The following BRINP3 variants were observed in gnomAD, a reference collection of about 807,000 sequenced individuals.
BRINP3 encodes BMP/retinoic acid-inducible neural-specific protein 3.
Under a neutral mutation model 71.0 loss-of-function variants are expected in BRINP3, and 19 were observed. The observed-to-expected ratio is 0.27, with a 90% confidence interval of 0.19 to 0.39. The LOEUF is 0.39. Ranked by LOEUF, BRINP3 falls within the 10% of genes least tolerant of loss-of-function variation. The probability of loss-of-function intolerance (pLI) is 1.00; values close to 1 mark genes in which losing one functional copy is unlikely to be tolerated. For synonymous variants in BRINP3, 380 were observed against 337.7 expected, an observed-to-expected ratio of 1.13 and a Z score of -1.37; for missense variants, 959 against 940.8, an observed-to-expected ratio of 1.02 and a Z score of -0.25.
At chr1:190,300,036 G>A (rs933076266) in intron 2 of BRINP3, among the ~76,000 whole-genome samples, 2 of 151,850 alleles carry the variant, frequency 1.3e-5, no homozygotes, top group African/African-American at 4.8e-5. Flanking sequence ...TCTTGTTGTT[G>A]CCCTTCTCGA....
At chr1:190,451,078 T>C (rs1371406171) in intron 2 of BRINP3, among the ~76,000 whole-genome samples, 1 of 152,168 alleles carries the variant, frequency 6.6e-6, no homozygotes, top group Non-Finnish European at 1.5e-5. Flanking sequence ...GTTGTGATAA[T>C]ATGACATGTC....
intron 7 of BRINP3, among the ~76,000 whole-genome samples, chr1:190,105,697 A>G (rs1265142622): frequency 6.6e-6 from 1 of 152,052 alleles, no homozygotes. Flanking sequence ...CAAATAATTT[A>G]TTATTTAATC....
intron 7 of BRINP3, among the ~76,000 whole-genome samples, chr1:190,137,062 T>C (rs1289142424): frequency 1.3e-5 from 2 of 152,048 alleles, no homozygotes; most frequent in Non-Finnish European, 2.9e-5. Flanking sequence ...TAAGGTATAG[T>C]GTAGCTATGT....
intron 2 of BRINP3, among the ~76,000 whole-genome samples, chr1:190,451,736 A>T (rs1234705565): frequency 6.6e-6 from 1 of 152,188 alleles, no homozygotes; most frequent in African/African-American, 2.4e-5. Context: ...ATTAGTTGAC[A>T]AAAACACACT....
intron 4 of BRINP3, among the ~76,000 whole-genome samples, chr1:190,252,232 G>A (rs1399886627): frequency 6.6e-6 from 1 of 152,052 alleles, no homozygotes; most frequent in Non-Finnish European, 1.5e-5. Context: ...CAAAATGAGA[G>A]AGATTCTGCC....
chr1:190,226,332 C>CAAAA lies in BRINP3; in HGVS notation c.725-15_725-14insTTTT. 1 of 1,453,062 alleles carries CAAAA rather than the reference C, an allele frequency of 6.9e-7. No homozygotes were observed. 90.0% of individuals were successfully genotyped at this position (1,453,062 alleles called of 1,614,324 possible). On this transcript the variant is annotated splice_polypyrimidine_tract_variant and intron_variant, in intron 5 of 7. Coordinates refer to ENST00000367462, the MANE Select transcript of BRINP3 (RefSeq NM_199051.3). ...GTACTTGAAGCCCTTGAAGAACAAACAAAGAAATTAACAAATTTACTTTGT... is the reference window on the plus strand; with the variant it reads ...GTACTTGAAGCCCTTGAAGAACAAACAAAAAAAGAAATTAACAAATTTACTTTGT...
chr1:190,176,648 G>A (rs1169438873), intron 6 of BRINP3, among the ~76,000 whole-genome samples: 1 of 152,048 alleles, frequency 6.6e-6, no homozygotes, highest in Non-Finnish European at 1.5e-5. Context: ...TGCAGATATA[G>A]TTCCTGGATC....
intron 7 of BRINP3, among the ~76,000 whole-genome samples, chr1:190,106,887 T>C (rs1288712685): frequency 6.6e-6 from 1 of 151,836 alleles, no homozygotes; most frequent in Non-Finnish European, 1.5e-5. Flanking sequence ...TGAAAACAAA[T>C]GAAATTGTAT....
intron 6 of BRINP3, among the ~76,000 whole-genome samples, chr1:190,181,589 G>T (rs1380783328): frequency 6.6e-6 from 1 of 151,862 alleles, no homozygotes; most frequent in African/African-American, 2.4e-5. Flanking sequence ...TTTACACTAT[G>T]CGTACAAAAC....
chr1:190,330,869 C>A (rs891679979), intron 2 of BRINP3, among the ~76,000 whole-genome samples: 15 of 151,910 alleles, frequency 9.9e-5, no homozygotes, highest in Admixed American at 4.6e-4. Context: ...CTAAGTAATG[C>A]AGGAACAGAA....
At chr1:190,129,494 G>C (rs369609724) in intron 7 of BRINP3, among the ~76,000 whole-genome samples, 1 of 151,910 alleles carries the variant, frequency 6.6e-6, no homozygotes, top group African/African-American at 2.4e-5. Context: ...GATAATTACA[G>C]CATTGTTCTT....
chr1:190,282,780 AAAATT>A (rs1663135964), intron 2 of BRINP3, among the ~76,000 whole-genome samples: 1 of 152,028 alleles, frequency 6.6e-6, no homozygotes, highest in African/African-American at 2.4e-5. Flanking sequence ...ATAAAGACAG[AAAATT>A]AAATTTTTTA....
At chr1:190,149,672 A>G (rs1656215477) in intron 7 of BRINP3, among the ~76,000 whole-genome samples, 1 of 150,382 alleles carries the variant, frequency 6.6e-6, no homozygotes, top group African/African-American at 2.5e-5. Context: ...AGAGAGAGAG[A>G]CCTGGTAGAA....
chr1:190,337,707 G>A (rs1571787965), intron 2 of BRINP3, among the ~76,000 whole-genome samples: 1 of 152,208 alleles, frequency 6.6e-6, no homozygotes, highest in South Asian at 2.1e-4. Context: ...TCAGACTGCA[G>A]ATGGCCTATG....
At chr1:190,367,100 G>T (rs544607500) in intron 2 of BRINP3, among the ~76,000 whole-genome samples, 4 of 152,252 alleles carry the variant, frequency 2.6e-5, no homozygotes, top group South Asian at 2.1e-4. Flanking sequence ...CTGTGCGGGG[G>T]CTCCAACCTC....
intron 2 of BRINP3, among the ~76,000 whole-genome samples, chr1:190,294,179 G>T (rs1664076125): frequency 6.6e-6 from 1 of 151,282 alleles, no homozygotes. Flanking sequence ...TTACTTTTAG[G>T]GTATTTATTA....
chr1:190,346,363 GC>G (rs368837853), intron 2 of BRINP3, among the ~76,000 whole-genome samples: 27 of 152,114 alleles, frequency 1.8e-4, no homozygotes, highest in African/African-American at 6.0e-4. Flanking sequence ...GAAGGCAAGT[GC>G]TTTGTTAATA....
At chr1:190,452,635 G>A (rs901869456) in intron 2 of BRINP3, among the ~76,000 whole-genome samples, 1 of 152,284 alleles carries the variant, frequency 6.6e-6, no homozygotes, top group East Asian at 1.9e-4. Flanking sequence ...ACGGCAGGCG[G>A]ATCACTTGAA....
intron 4 of BRINP3, among the ~76,000 whole-genome samples, chr1:190,252,926 C>G (rs1016587919): frequency 1.6e-4 from 25 of 151,992 alleles, no homozygotes; most frequent in African/African-American, 5.8e-4. Context: ...TGCTATCCCT[C>G]CCCCTGTCCC....
Sources: gnomAD v4.1 joint callset for allele counts (sites outside exome capture counted in the v4.1 genomes callset) on GRCh38, gnomAD v4.1.1 for gene constraint, MANE v1.5 for transcripts, NCBI Gene and HGNC (gene_info 2026-07-23, HGNC 2026-07-21) for gene names.